GALNT18: variants seen among roughly 807,000 people sequenced by gnomAD.
The protein encoded by GALNT18 is polypeptide N-acetylgalactosaminyltransferase 18.
In GALNT18, 44 loss-of-function variants were observed where a neutral mutation model predicts 69.5. The observed-to-expected ratio is 0.63, with a 90% CI of 0.50 to 0.81. The LOEUF (loss-of-function observed/expected upper bound fraction) is 0.81, where lower values mean the gene tolerates loss of function less well. Ranked by LOEUF, GALNT18 falls within the 40% of genes least tolerant of loss-of-function variation. GALNT18 has a pLI of 0.00. For synonymous variants in GALNT18, 364 were observed against 318.2 expected, an observed-to-expected ratio of 1.14 and a Z score of -1.53; for missense variants, 715 against 810.0, an observed-to-expected ratio of 0.88 and a Z score of 1.42.
chr11:11,545,530 C>A (rs931418047), intron 1 of GALNT18, among the ~76,000 whole-genome samples: 4 of 152,208 alleles, frequency 2.6e-5, no homozygotes, highest in Admixed American at 2.6e-4. Flanking sequence ...CAGATAAGCG[C>A]GTGCACAGTG....
At chr11:11,553,835 T>C (rs1858259942) in intron 1 of GALNT18, among the ~76,000 whole-genome samples, 1 of 152,116 alleles carries the variant, frequency 6.6e-6, no homozygotes, top group South Asian at 2.1e-4. Flanking sequence ...ATGTCCCTGA[T>C]TGCAAGTCCA....
At chr11:11,458,384 T>C (rs1855968229) in intron 1 of GALNT18, among the ~76,000 whole-genome samples, 1 of 152,362 alleles carries the variant, frequency 6.6e-6, no homozygotes, top group Non-Finnish European at 1.5e-5. Context: ...ATTTTAAATG[T>C]ACAATTCAAT....
Position 11,293,030 on chromosome 11 carries a change from T to C in GALNT18, c.1676A>G (p.Gln559Arg). Residue 559 changes from glutamine (Q) to arginine (R), a missense_variant and splice_region_variant, in exon 10 of 11, where the codon CAG (glutamine) becomes CGG (arginine). Transcript: ENST00000227756. Reference protein sequence around the residue: ...KRMKLHWQFSQGGPIQNRKSK... With the variant: ...KRMKLHWQFSRGGPIQNRKSK... The stretch of plus-strand genomic sequence containing the variant: ...GTGCCCGGGCTCTGGGGCTGTTACC[T>C]GAGAGAACTGCCAGTGAAGCTTCAT... 1 of 1,371,264 alleles carries C rather than the reference T, an allele frequency of 7.3e-7. No individual in the cohort carries two copies. Among genetic ancestry groups the C allele is most frequent in the East Asian group, 2.8e-5 (1 of 36,044 alleles). 84.9% of individuals were successfully genotyped at this position (1,371,264 alleles called of 1,614,324 possible).
At chr11:11,580,626 C>T (rs1232845307) in intron 1 of GALNT18, among the ~76,000 whole-genome samples, 2 of 152,260 alleles carry the variant, frequency 1.3e-5, no homozygotes, top group Non-Finnish European at 2.9e-5. Context: ...TGGGCACTGC[C>T]CATGCAGAAC....
chr11:11,455,971 C>A (rs186435543), intron 1 of GALNT18, among the ~76,000 whole-genome samples: 4 of 152,210 alleles, frequency 2.6e-5, no homozygotes, highest in Admixed American at 2.0e-4. Flanking sequence ...CATCTGTAGC[C>A]CCAGCTACTC....
chr11:11,575,136 C>T (rs1052596045), intron 1 of GALNT18, among the ~76,000 whole-genome samples: 20 of 152,266 alleles, frequency 1.3e-4, no homozygotes, highest in African/African-American at 4.1e-4. Flanking sequence ...CAACTAATTC[C>T]TGGCAGGGTA....
chr11:11,352,347 A>G (rs1400745896), intron 6 of GALNT18: 9 of 1,614,024 alleles, frequency 5.6e-6, no homozygotes, highest in East Asian at 2.2e-5. Flanking sequence ...GTATTTGTCA[A>G]TATAGCCATA....
chr11:11,273,780 A>T (rs1368408710), intron 10 of GALNT18, among the ~76,000 whole-genome samples: 1 of 152,224 alleles, frequency 6.6e-6, no homozygotes, highest in Non-Finnish European at 1.5e-5. Context: ...TAGACAACAT[A>T]TGGAATCAAC....
At position 11,430,845 on chromosome 11, in the gene GALNT18, A is replaced by G. The variant is rs1363998002; in HGVS notation, c.595+1776T>C. 3.3e-5 allele frequency among the ~76,000 whole-genome samples: 5 copies of G among 152,120 alleles called. No individual in the cohort carries two copies. The East Asian group carries it at 9.6e-4, about 29-fold the overall frequency. On this transcript the variant is annotated intron_variant, in intron 3 of 10. Transcript: ENST00000227756. The surrounding 1 kb of genome is among the most constrained non-coding windows in gnomAD (Gnocchi z 4.9). ...CCTTCTCATCCATTTCCCTTCTTCA[A>G]GATGCCCTTTTCCCCCGCCAATATA...
chr11:11,332,866 T>C lies in GALNT18; in HGVS notation c.1279-35A>G, dbSNP rs1232436171. On this transcript the variant is annotated intron_variant, in intron 7 of 10. Transcript: ENST00000227756. The surrounding 1 kb of genome is among the most constrained non-coding windows in gnomAD (Gnocchi z 4.3). ...GACGCAGAAGCAGAGATGAAGCCAC[T>C]CCCAGGTTGCAGCTTCTCCCCAAAC... is the stretch of plus-strand genomic sequence containing the variant. 2 of 1,605,526 alleles carry C rather than the reference T, an allele frequency of 1.2e-6. No individual in the cohort carries two copies. Among genetic ancestry groups the C allele is most frequent in the Non-Finnish European group, 1.7e-6 (2 of 1,178,032 alleles).
Position 11,453,066 on chromosome 11 carries a change from C to T in GALNT18, c.236-4130G>A, listed in dbSNP as rs546947348. The stretch of plus-strand genomic sequence containing the variant: ...CCCAGCCCTGAGTGCTTGTCTGGGT[C>T]CCAGGGAGAAATAGGATGAAAGGGA... On this transcript the variant is annotated intron_variant, in intron 1 of 10. Coordinates refer to ENST00000227756, the MANE Select transcript of GALNT18 (RefSeq NM_198516.3). 7.4e-4 allele frequency among the ~76,000 whole-genome samples: 112 copies of T among 152,244 alleles called. 1 individual carries two copies. The highest frequency in any genetic ancestry group is 2.6e-3 in the African/African-American group (108 of 41,536).
chr11:11,279,540 A>T (rs554999554), intron 10 of GALNT18, among the ~76,000 whole-genome samples: 10 of 152,362 alleles, frequency 6.6e-5, no homozygotes, highest in Admixed American at 6.5e-4. Context: ...GCAGACATAT[A>T]ACTCACGGTA....
At position 11,297,224 on chromosome 11, in the gene GALNT18, G is replaced by A. The variant is rs1849417344; in HGVS notation, c.1513-4031C>T. 6.6e-5 allele frequency among the ~76,000 whole-genome samples: 10 copies of A among 152,216 alleles called. No individual in the cohort carries two copies. In the South Asian group the frequency reaches 1.5e-3, roughly 22 times the overall value. ...ATCTAGCCAAAATGTCAGTAGTGCC[G>A]CTGTTGAGATACCCCAACTTAAGGT... On this transcript the variant is annotated intron_variant, in intron 9 of 10. Transcript: ENST00000227756.
chr11:11,334,909 C>T (rs1306740772), intron 7 of GALNT18, among the ~76,000 whole-genome samples: 1 of 152,242 alleles, frequency 6.6e-6, no homozygotes, highest in East Asian at 1.9e-4. Flanking sequence ...CAGGAACTGG[C>T]AGTAGATGTA....
At chr11:11,409,061 C>T (rs968238749) in intron 3 of GALNT18, among the ~76,000 whole-genome samples, 2 of 152,202 alleles carry the variant, frequency 1.3e-5, no homozygotes, top group African/African-American at 4.8e-5. Context: ...GGGAATGTGT[C>T]TTTAATTAAA....
In GALNT18 at chr11:11,583,969, A is replaced by C. The variant is rs922797744; in HGVS notation, c.235+37390T>G. 6.6e-6 allele frequency among the ~76,000 whole-genome samples: 1 copy of C among 152,188 alleles called. No individual in the cohort carries two copies. Among genetic ancestry groups the C allele is most frequent in the Admixed American group, 6.5e-5 (1 of 15,284 alleles). ...AGATGAAAGCACAAGGTCACACTCA[A>C]TGAAATAGAGATGAACTGAATTCTT... On this transcript the variant is annotated intron_variant, in intron 1 of 10. Transcript: ENST00000227756. The surrounding 1 kb of genome is among the most constrained non-coding windows in gnomAD (Gnocchi z 4.7).
At chr11:11,437,232 A>G (rs56392500) in intron 2 of GALNT18, among the ~76,000 whole-genome samples, 28,804 of 152,226 alleles carry the variant, frequency 0.19, 3,309 homozygotes, top group East Asian at 0.53. Flanking sequence ...GCCCATGCTC[A>G]TTTTGAGAAC....
chr11:11,476,759 C>T (rs1022440385), intron 1 of GALNT18, among the ~76,000 whole-genome samples: 1 of 152,140 alleles, frequency 6.6e-6, no homozygotes, highest in African/African-American at 2.4e-5. Context: ...AAGGAGAAGA[C>T]AGATTCTGGG....
Position 11,340,779 on chromosome 11 carries a change from A to T in GALNT18, c.1278+40T>A. ...CCATATCTTGTTTTGTTTGTTTTCC[A>T]CCAATCCCCGAGAAACTCATCCCTA... On this transcript the variant is annotated intron_variant, in intron 7 of 10. Transcript: ENST00000227756. The surrounding 1 kb of genome is among the most constrained non-coding windows in gnomAD (Gnocchi z 4.2). 1 of 1,551,466 alleles carries T rather than the reference A, an allele frequency of 6.4e-7. No individual in the cohort carries two copies. Among genetic ancestry groups the T allele is most frequent in the Non-Finnish European group, 8.7e-7 (1 of 1,143,638 alleles).
Sources: allele counts gnomAD v4.1 joint callset (sites outside exome capture counted in the v4.1 genomes callset), GRCh38; gene constraint gnomAD v4.1.1; non-coding constraint Gnocchi (gnomAD v3.1); transcripts MANE v1.5; gene names NCBI Gene and HGNC (gene_info 2026-07-23, HGNC 2026-07-21).